Variants in GLUL observed in about 807,000 individuals in gnomAD.
GLUL encodes glutamine synthetase.
A neutral mutation model predicts 36.9 loss-of-function variants in GLUL; 8 were observed. That is an observed-to-expected ratio of 0.22 (90% CI 0.13 to 0.39). The LOEUF is 0.39. GLUL is among the 10% of genes least tolerant of loss of function. GLUL has a pLI of 1.00. For missense variants in GLUL, 315 were observed against 501.8 expected, an observed-to-expected ratio of 0.63 and a Z score of 3.56; for synonymous variants, 182 against 172.8, an observed-to-expected ratio of 1.05 and a Z score of -0.42.
rs1271037645 is a variant in GLUL at position 182,382,452 on chromosome 1, G to A, written c.*1953C>T. On this transcript the variant is annotated 3_prime_UTR_variant, in exon 7 of 7. Transcript: ENST00000331872. ...CATGCCTAGGGCATAGCCAGCCTTGGAAGGCTTCAACCAGGGTAGCAGGGT... is the reference window on the plus strand; with the variant it reads ...CATGCCTAGGGCATAGCCAGCCTTGAAAGGCTTCAACCAGGGTAGCAGGGT... The A allele has an allele frequency of 1.3e-5, 2 of 151,920 alleles. No individual in the cohort carries two copies. The highest frequency in any genetic ancestry group is 4.8e-5 in the African/African-American group (2 of 41,306). The allele number at this position is 151,920 out of a possible 1,614,324, so 9.4% of individuals were successfully genotyped here.
intron 2 of GLUL, among the ~76,000 whole-genome samples, chr1:182,388,300 C>A (rs990927244): frequency 6.6e-6 from 1 of 152,174 alleles, no homozygotes; most frequent in Non-Finnish European, 1.5e-5. Context: ...AACCTCTAAG[C>A]CCCATGCCAA....
intron 1 of GLUL, chr1:182,390,974 G>A (rs1650389688): frequency 2.5e-6 from 1 of 397,942 alleles, no homozygotes; most frequent in African/African-American, 2.1e-5. Context: ...CCTCACGGAG[G>A]TGGCCATACC....
At chr1:182,389,104 C>G (rs896715680) in intron 1 of GLUL, 1 of 346,054 alleles carries the variant, frequency 2.9e-6, no homozygotes, top group Non-Finnish European at 5.6e-6. Context: ...GGCTTCCAAG[C>G]TAGAACTTAT....
Position 182,379,487 on chromosome 1 carries a change from T to C in GLUL, c.*4918A>G, listed in dbSNP as rs1461141601. Among the ~76,000 whole-genome samples the C allele has an allele frequency of 6.6e-6, 1 of 152,108 alleles. No homozygotes were observed. The highest frequency in any genetic ancestry group is 2.4e-5 in the African/African-American group (1 of 41,412). ...ATCCACCTGCCTTGGCCTCCCAAAG[T>C]GCTAGGATTACAGGCTTGAGCCACC... On this transcript the variant is annotated 3_prime_UTR_variant, in exon 7 of 7. Coordinates refer to ENST00000331872, the MANE Select transcript of GLUL (RefSeq NM_001033044.4).
At chr1:182,390,178 T>C (rs7548303) in intron 1 of GLUL, 2,921 of 191,638 alleles carry the variant, frequency 0.015, 105 homozygotes, top group African/African-American at 0.063. Flanking sequence ...AGCCGGGAGA[T>C]TGCACCACTG....
rs375600674 is a variant in GLUL, at chr1:182,379,890, G to A, written c.*4515C>T. ...ATGGAGTTTCCCTCTTGTTGCCCAG[G>A]CTGGAGTACAATGTTGCAATCTCAG... On this transcript the variant is annotated 3_prime_UTR_variant, in exon 7 of 7. Transcript: ENST00000331872. Among the ~76,000 whole-genome samples the A allele has an allele frequency of 1.3e-5, 2 of 149,848 alleles. No individual in the cohort carries two copies. Among genetic ancestry groups the A allele is most frequent in the East Asian group, 2.0e-4 (1 of 5,072 alleles).
Position 182,384,104 on chromosome 1 carries a change from A to C in GLUL, c.*301T>G. 1 of 402,074 alleles carries C rather than the reference A, an allele frequency of 2.5e-6. No individual in the cohort carries two copies. The highest frequency in any genetic ancestry group is 5.9e-5 in the East Asian group (1 of 17,080). 24.9% of individuals were successfully genotyped at this position (402,074 alleles called of 1,614,324 possible). On this transcript the variant is annotated 3_prime_UTR_variant, in exon 7 of 7. Coordinates refer to ENST00000331872, the MANE Select transcript of GLUL (RefSeq NM_001033044.4). ...GTGCTCTGTCCGGATAGCTACGCCT[A>C]TTGGACAGGTGCACCCCATTAAATG...
Position 182,387,291 on chromosome 1 carries a change from C to T in GLUL, c.168G>A (p.Glu56=), listed in dbSNP as rs756231421. Residue 56 remains glutamate (E), a splice_region_variant and synonymous_variant, in exon 3 of 7, where the codon GAG becomes GAA. Transcript: ENST00000331872. ...TLDSEPKCVE[E]LPEWNFDGSS... ...AGCCATCGAAATTCCACTCAGGCAA[C>T]TCTGGGGCAAAAAGAGGGAAAATTA... 2 of 1,611,784 alleles carry T rather than the reference C, an allele frequency of 1.2e-6. No homozygotes were observed. The highest frequency in any genetic ancestry group is 1.7e-6 in the Non-Finnish European group (2 of 1,177,904).
At position 182,388,627 on chromosome 1, in the gene GLUL, T is replaced by C; in HGVS notation, c.111A>G (p.Gly37=). Residue 37 remains glycine, a synonymous_variant, in exon 2 of 7, where the codon GGA becomes GGG. Transcript: ENST00000331872. ...QAMYIWIDGT[G]EGLRCKTRTL... ...TCCGGGTCTTGCAGCGCAGTCCTTC[T>C]CCAGTACCATCGATCCAGATATACA... 1 of 1,613,894 alleles carries C rather than the reference T, an allele frequency of 6.2e-7. No individual in the cohort carries two copies. Among genetic ancestry groups the C allele is most frequent in the African/African-American group, 1.3e-5 (1 of 75,004 alleles).
intron 1 of GLUL, chr1:182,390,742 G>C: frequency 2.5e-6 from 1 of 399,138 alleles, no homozygotes; most frequent in Non-Finnish European, 4.4e-6. Flanking sequence ...CAGAGTAGGC[G>C]ACGAAGCCGA....
Position 182,379,984 on chromosome 1 carries a change from A to G in GLUL, c.*4421T>C, listed in dbSNP as rs1649869881. The stretch of plus-strand genomic sequence containing the variant: ...CTCAGTCTCCCAAGCAGCTGGGATT[A>G]CAGGCATGTGCCACCACGCCCGGCT... On this transcript the variant is annotated 3_prime_UTR_variant, in exon 7 of 7. Coordinates refer to ENST00000331872, the MANE Select transcript of GLUL (RefSeq NM_001033044.4). Among the ~76,000 whole-genome samples the G allele has an allele frequency of 6.6e-6, 1 of 151,692 alleles. No homozygotes were observed. Among genetic ancestry groups the G allele is most frequent in the South Asian group, 2.1e-4 (1 of 4,818 alleles).
intron 4 of GLUL, 60 bp downstream of exon 4, chr1:182,386,196 G>T: frequency 6.8e-7 from 1 of 1,476,870 alleles, no homozygotes; most frequent in Non-Finnish European, 9.5e-7. Context: ...CCCTGGGAAG[G>T]GGCATTCCTG....
At chr1:182,391,226 T>C (rs1433264943) in intron 1 of GLUL, 3 of 398,590 alleles carry the variant, frequency 7.5e-6, no homozygotes, top group African/African-American at 4.1e-5. Flanking sequence ...CCAGGACGAT[T>C]GCTCCGAAGG....
chr1:182,391,449 GCCAAGGGCGCGCCCCACCAGCGCCAGC>G, intron 1 of GLUL: 1 of 380,102 alleles, frequency 2.6e-6, no homozygotes, highest in African/African-American at 2.1e-5. Context: ...CCAGAGCCTG[GCCAAGGGCGCGCCCCACCAGCGCCAGC>G]CCCGACGGGT....
Position 182,386,264 on chromosome 1 carries a change from C to T in GLUL, c.467G>A (p.Gly156Glu). 1 of 1,613,334 alleles carries T rather than the reference C, an allele frequency of 6.2e-7. No individual in the cohort carries two copies. The highest frequency in any genetic ancestry group is 1.1e-5 in the South Asian group (1 of 91,048). ...PFGWPSNGFP[G>E]PQGPYYCGVG... ...AACCCAAGGAGACTTACCCTGGGGC[C>T]CTGGGAAGCCGTTGGAAGGCCAACC... is the stretch of plus-strand genomic sequence containing the variant. Residue 156 changes from glycine to glutamate, a missense_variant, in exon 4 of 7, where the codon GGG becomes GAG. Coordinates refer to ENST00000331872, the MANE Select transcript of GLUL (RefSeq NM_001033044.4).
chr1:182,382,389 G>C lies in GLUL; in HGVS notation c.*2016C>G, dbSNP rs1186739658. 1 of 152,170 alleles carries C rather than the reference G, an allele frequency of 6.6e-6. No individual in the cohort carries two copies. Among genetic ancestry groups the C allele is most frequent in the African/African-American group, 2.4e-5 (1 of 41,412 alleles). 9.4% of individuals were successfully genotyped at this position (152,170 alleles called of 1,614,324 possible). ...TTTTGAGAATCACAATCGGTCCACT[G>C]GTCTTCCTGCAAGGCAAGATACACC... On this transcript the variant is annotated 3_prime_UTR_variant, in exon 7 of 7. Coordinates refer to ENST00000331872, the MANE Select transcript of GLUL (RefSeq NM_001033044.4).
In GLUL at chr1:182,380,438, C is replaced by T. The variant is rs566767706; in HGVS notation, c.*3967G>A. Among the ~76,000 whole-genome samples the T allele has an allele frequency of 6.6e-5, 10 of 152,130 alleles. No individual in the cohort carries two copies. Among genetic ancestry groups the T allele is most frequent in the African/African-American group, 2.4e-4 (10 of 41,510 alleles). ...TCCTCCCATCTCAGCCTCCTGATAGCTGAGACTACAGGCGTGCAATTTAAA... is the reference window on the plus strand; with the variant it reads ...TCCTCCCATCTCAGCCTCCTGATAGTTGAGACTACAGGCGTGCAATTTAAA... On this transcript the variant is annotated 3_prime_UTR_variant, in exon 7 of 7. Transcript: ENST00000331872.
intron 1 of GLUL, chr1:182,391,000 T>C (rs1650390999): frequency 2.7e-6 from 1 of 369,726 alleles, no homozygotes; most frequent in African/African-American, 2.1e-5. Context: ...GCCGAGGGGT[T>C]GGGGGGTCCG....
rs1650002921 is a variant in GLUL at position 182,382,989 on chromosome 1, A to C, written c.*1416T>G. ...TGACTTTGAACATACTGTACATGGCAATTAGAAGTTGTCATGGCAAAAGAA... is the reference window on the plus strand; with the variant it reads ...TGACTTTGAACATACTGTACATGGCCATTAGAAGTTGTCATGGCAAAAGAA... On this transcript the variant is annotated 3_prime_UTR_variant, in exon 7 of 7. Coordinates refer to ENST00000331872, the MANE Select transcript of GLUL (RefSeq NM_001033044.4). The C allele has an allele frequency of 6.6e-6, 1 of 152,226 alleles. No homozygotes were observed. The highest frequency in any genetic ancestry group is 2.4e-5 in the African/African-American group (1 of 41,448). The allele number at this position is 152,226 out of a possible 1,614,324, so 9.4% of individuals were successfully genotyped here. A position where few individuals can be genotyped will look rare whatever the true frequency, so the allele number is the denominator to read the frequency against.
Sources: gnomAD v4.1 joint callset for allele counts (sites outside exome capture counted in the v4.1 genomes callset) on GRCh38, gnomAD v4.1.1 for gene constraint, MANE v1.5 for transcripts, NCBI Gene and HGNC (gene_info 2026-07-23, HGNC 2026-07-21) for gene names.